DUSP5: variants seen among roughly 807,000 people sequenced by gnomAD.
The protein encoded by DUSP5 is dual specificity phosphatase 5.
A neutral mutation model predicts 33.6 loss-of-function variants in DUSP5; 22 were observed. That is an observed-to-expected ratio of 0.66 (90% CI 0.47 to 0.94). DUSP5 has a LOEUF of 0.94. DUSP5 is among the 40% of genes least tolerant of loss of function. The pLI is 0.00. For synonymous variants in DUSP5, 270 were observed against 231.1 expected (o/e 1.17, Z -1.53); for missense variants, 551 against 522.1 (o/e 1.06, Z -0.54).
rs987100668 is a variant in DUSP5 at position 110,502,336 on chromosome 10, T to A, written c.380-385T>A. ...GAAGCCACTTCAGGAGCCTGTCTTC[T>A]CGCCAATTAATGAAATTTTGGGTAA... is the stretch of plus-strand genomic sequence containing the variant. On this transcript the variant is annotated intron_variant, in intron 1 of 3. Transcript: ENST00000369583. 3.3e-5 allele frequency among the ~76,000 whole-genome samples: 5 copies of A among 152,340 alleles called. No homozygotes were observed. The South Asian group carries it at 1.0e-3, about 32-fold the overall frequency.
chr10:110,502,609 A>G (rs1348397129), intron 1 of DUSP5, 112 bp from the exon 2 acceptor site: 2 of 1,320,470 alleles, frequency 1.5e-6, no homozygotes, highest in Admixed American at 2.3e-5. Context: ...GTACTGGCTT[A>G]TTTTTTTTCT....
chr10:110,503,849 A>G (rs1175915563), intron 2 of DUSP5, among the ~76,000 whole-genome samples: 1 of 152,266 alleles, frequency 6.6e-6, no homozygotes, highest in Non-Finnish European at 1.5e-5. Context: ...AACTTTTCAC[A>G]TAAACCAAGA....
intron 2 of DUSP5, among the ~76,000 whole-genome samples, chr10:110,504,408 T>C (rs2134660723): frequency 6.6e-6 from 1 of 152,314 alleles, no homozygotes; most frequent in South Asian, 2.1e-4. Flanking sequence ...GGGAAAGAAA[T>C]GTAGTTTCAG....
At chr10:110,498,856 C>T (rs1426365275) in intron 1 of DUSP5, among the ~76,000 whole-genome samples, 2 of 151,978 alleles carry the variant, frequency 1.3e-5, no homozygotes, top group Admixed American at 6.5e-5. Context: ...GGTCAGGGCT[C>T]GGGGCCTTCC....
At position 110,498,430 on chromosome 10, in the gene DUSP5, C is replaced by T; in HGVS notation, c.309C>T (p.Ser103=). 1 of 1,534,858 alleles carries T rather than the reference C, an allele frequency of 6.5e-7. No homozygotes were observed. Among genetic ancestry groups the T allele is most frequent in the Non-Finnish European group, 8.7e-7 (1 of 1,149,886 alleles). The change falls in exon 1 of 4, where the codon AGC becomes AGT. Residue 103 remains serine, a synonymous_variant. Transcript: ENST00000369583. The part of the protein sequence containing the change: ...SRHWQKLREE[S]AARVVLTSLL... ...ACTGGCAGAAGCTGCGAGAGGAGAG[C>T]GCCGCGCGTGTCGTCCTCACCTCGC...
chr10:110,509,271 A>G (rs993135395), intron 3 of DUSP5, among the ~76,000 whole-genome samples: 2 of 152,236 alleles, frequency 1.3e-5, no homozygotes, highest in African/African-American at 2.4e-5. Context: ...AAAGAATGCT[A>G]ACTGATGGTG....
chr10:110,506,840 A>G (rs1860124528), intron 2 of DUSP5, 95 bp from the exon 3 acceptor site: 3 of 1,340,482 alleles, frequency 2.2e-6, no homozygotes, highest in South Asian at 1.3e-5. Context: ...GGAACCACCC[A>G]TCTTAAGAAA....
intron 2 of DUSP5, among the ~76,000 whole-genome samples, chr10:110,505,940 C>T (rs777361180): frequency 2.6e-5 from 4 of 152,156 alleles, no homozygotes; most frequent in African/African-American, 9.7e-5. Context: ...TTCAACAAAC[C>T]CCCGTGTGAA....
In DUSP5 at chr10:110,497,969, G is replaced by T. The variant is rs1859975867; in HGVS notation, c.-153G>T. On this transcript the variant is annotated 5_prime_UTR_variant, in exon 1 of 4. Transcript: ENST00000369583. ...GCGAGCGGGGCGGGAACGCGGAGTT[G>T]CGCCGCCGCTCGGGCGCCGGGCTCC... The T allele has an allele frequency of 1.9e-6, 1 of 532,460 alleles. No individual in the cohort carries two copies. The highest frequency in any genetic ancestry group is 2.4e-6 in the Non-Finnish European group (1 of 416,422). The allele number at this position is 532,460 out of a possible 1,614,324, so 33.0% of individuals were successfully genotyped here.
intron 1 of DUSP5, among the ~76,000 whole-genome samples, chr10:110,500,870 C>G (rs967721353): frequency 2.0e-5 from 3 of 152,198 alleles, no homozygotes; most frequent in African/African-American, 7.2e-5. Flanking sequence ...AGGCAGGACC[C>G]TGTTTATCTG....
intron 2 of DUSP5, among the ~76,000 whole-genome samples, 169 bp downstream of exon 2, chr10:110,503,038 C>T (rs1404125476): frequency 1.3e-5 from 2 of 152,210 alleles, no homozygotes; most frequent in Non-Finnish European, 2.9e-5. Context: ...CTGTTGCTTG[C>T]CAGCTTGAGC....
rs904573579 is a variant in DUSP5 at position 110,502,933 on chromosome 10, C to G, written c.528+64C>G. 6.0e-5 allele frequency: 96 copies of G among 1,595,744 alleles called. 1 individual carries two copies. In the Middle Eastern group the frequency reaches 6.7e-4, roughly 11 times the overall value. ...TTCTGGGCTCCTGTCTCCCTTCCTT[C>G]CTCAGCACCTGACTGTTCTCTCCCC... is the stretch of plus-strand genomic sequence containing the variant. On this transcript the variant is annotated intron_variant, in intron 2 of 3. Coordinates refer to ENST00000369583, the MANE Select transcript of DUSP5 (RefSeq NM_004419.4).
Position 110,510,182 on chromosome 10 carries a change from T to G in DUSP5, c.911T>G (p.Phe304Cys). 1 of 1,614,198 alleles carries G rather than the reference T, an allele frequency of 6.2e-7. No homozygotes were observed. The highest frequency in any genetic ancestry group is 1.3e-5 in the African/African-American group (1 of 75,046). The change falls in exon 4 of 4, where the codon TTT (phenylalanine) becomes TGT (cysteine). Residue 304 changes from phenylalanine to cysteine, a missense_variant. Around this residue, in one of 3 missense-constraint regions of DUSP5, gnomAD observed 158 missense variants for 181.8 expected, o/e 0.87. Transcript: ENST00000369583. The stretch of plus-strand genomic sequence containing the variant: ...AGGAGGAGCATGGTCTCGCCCAACT[T>G]TGGCTTCATGGGCCAGCTCCTGCAG... ...KQRRSMVSPN[F>C]GFMGQLLQYE...
Position 110,498,057 on chromosome 10 carries a change from ACACCCTGGCCGTGGG to A in DUSP5, c.-59_-45del, listed in dbSNP as rs1199751624. 6.4e-6 allele frequency: 7 copies of A among 1,098,214 alleles called. No individual in the cohort carries two copies. Among genetic ancestry groups the A allele is most frequent in the Non-Finnish European group, 7.7e-6 (7 of 908,172 alleles). 68.0% of individuals were successfully genotyped at this position (1,098,214 alleles called of 1,614,324 possible). The stretch of plus-strand genomic sequence containing the variant: ...TCGCCCGCGGACACCCTGGCCGTGG[ACACCCTGGCCGTGGG>A]CACCCGCGGGGCGCGCGGCGCGGGG... On this transcript the variant is annotated 5_prime_UTR_variant, in exon 1 of 4. Coordinates refer to ENST00000369583, the MANE Select transcript of DUSP5 (RefSeq NM_004419.4).
intron 2 of DUSP5, among the ~76,000 whole-genome samples, chr10:110,506,285 A>G (rs1453046261): frequency 2.0e-5 from 3 of 152,168 alleles, no homozygotes; most frequent in African/African-American, 7.2e-5. Context: ...TTATAAAATT[A>G]GCCAGGCATG....
chr10:110,500,952 T>C (rs921287166), intron 1 of DUSP5, among the ~76,000 whole-genome samples: 2 of 152,232 alleles, frequency 1.3e-5, no homozygotes, highest in African/African-American at 4.8e-5. Flanking sequence ...GTCCTCCTGA[T>C]AGCCAACTCT....
intron 1 of DUSP5, among the ~76,000 whole-genome samples, chr10:110,501,973 G>C (rs990928875): frequency 5.3e-5 from 8 of 151,412 alleles, no homozygotes; most frequent in Non-Finnish European, 1.0e-4. Context: ...ATTGGGGGGG[G>C]GGTGCAGGAG....
chr10:110,503,115 T>A (rs1860076711), intron 2 of DUSP5, among the ~76,000 whole-genome samples: 1 of 152,230 alleles, frequency 6.6e-6, no homozygotes. Flanking sequence ...AGCCACAGGA[T>A]GCTTGGCAGC....
chr10:110,501,581 A>AG (rs1331738372), intron 1 of DUSP5, among the ~76,000 whole-genome samples: 1 of 152,164 alleles, frequency 6.6e-6, no homozygotes, highest in Non-Finnish European at 1.5e-5. Context: ...GAAAAGAAAA[A>AG]GGGGGTTCTT....
Sources: allele counts gnomAD v4.1 joint callset (sites outside exome capture counted in the v4.1 genomes callset), GRCh38; gene constraint gnomAD v4.1.1; regional missense constraint gnomAD v4.1.1; transcripts MANE v1.5; gene names NCBI Gene and HGNC (gene_info 2026-07-23, HGNC 2026-07-21).